The following GPR146 variants were observed in gnomAD, a reference collection of about 807,000 sequenced individuals.
The protein encoded by GPR146 is G-protein coupled receptor 146.
For missense variants in GPR146, 381 were observed against 213.9 expected, an observed-to-expected ratio of 1.78 and a Z score of -4.87; for synonymous variants, 203 against 104.3, an observed-to-expected ratio of 1.95 and a Z score of -5.77.
At position 1,052,572 on chromosome 7, in the gene GPR146, G is replaced by C. The variant is rs923164089; in HGVS notation, c.-24-4920G>C. On this transcript the variant is annotated intron_variant, in intron 1 of 1. Coordinates refer to ENST00000444847, the MANE Select transcript of GPR146 (RefSeq NM_001303473.2). This position sits in a 1 kb window ranked among gnomAD's most constrained non-coding sequence, Gnocchi z 4.2. ...AGGAGCAGCTGCCAGGGACGGCCTGGCCTGGGAGGGTGGCCAGGAACTGGG... is the reference window on the plus strand; with the variant it reads ...AGGAGCAGCTGCCAGGGACGGCCTGCCCTGGGAGGGTGGCCAGGAACTGGG... 1.3e-5 allele frequency among the ~76,000 whole-genome samples: 2 copies of C among 152,158 alleles called. No homozygotes were observed. Among genetic ancestry groups the C allele is most frequent in the Non-Finnish European group, 2.9e-5 (2 of 68,018 alleles).
At chr7:1,049,290 C>A (rs967996533) in intron 1 of GPR146, among the ~76,000 whole-genome samples, 2 of 152,214 alleles carry the variant, frequency 1.3e-5, no homozygotes, top group African/African-American at 2.4e-5. Flanking sequence ...GGGGAGGAGG[C>A]CAAAGATCTG....
chr7:1,057,462 G>T, intron 1 of GPR146, 30 bp from the exon 2 acceptor site: 1 of 700,452 alleles, frequency 1.4e-6, no homozygotes, highest in East Asian at 2.5e-5. Context: ...GACGGGACGC[G>T]AGCTGACCAC....
chr7:1,048,207 A>G (rs1450935810), intron 1 of GPR146, among the ~76,000 whole-genome samples: 1 of 152,216 alleles, frequency 6.6e-6, no homozygotes, highest in Non-Finnish European at 1.5e-5. Context: ...ACAGTGTGAA[A>G]GAGAGCACCC....
At chr7:1,049,289 G>A (rs1782875880) in intron 1 of GPR146, among the ~76,000 whole-genome samples, 1 of 152,246 alleles carries the variant, frequency 6.6e-6, no homozygotes, top group Non-Finnish European at 1.5e-5. Flanking sequence ...TGGGGAGGAG[G>A]CCAAAGATCT....
At chr7:1,050,832 C>T (rs1487777415) in intron 1 of GPR146, among the ~76,000 whole-genome samples, 3 of 152,200 alleles carry the variant, frequency 2.0e-5, no homozygotes, top group African/African-American at 4.8e-5. Flanking sequence ...CATCCACAGG[C>T]GCTCGGCAGG....
chr7:1,047,606 A>G (rs562895077), intron 1 of GPR146, among the ~76,000 whole-genome samples: 50 of 152,360 alleles, frequency 3.3e-4, no homozygotes, highest in African/African-American at 1.2e-3. Context: ...AGTCATTTTG[A>G]AAGCATTTTG....
chr7:1,051,485 G>A (rs950286182), intron 1 of GPR146, among the ~76,000 whole-genome samples: 8 of 152,324 alleles, frequency 5.3e-5, no homozygotes, highest in African/African-American at 1.7e-4. Flanking sequence ...ACACTCTCCC[G>A]ATTCCGCTGG....
chr7:1,050,283 A>G (rs1273828583), intron 1 of GPR146, among the ~76,000 whole-genome samples: 2 of 152,224 alleles, frequency 1.3e-5, no homozygotes, highest in Non-Finnish European at 2.9e-5. Context: ...GGAGCTGCAC[A>G]CACTCAGGTT....
Position 1,058,572 on chromosome 7 carries a change from AC to A in GPR146, c.*58del, listed in dbSNP as rs1463168580. The A allele has an allele frequency of 1.4e-6, 1 of 701,560 alleles. No individual in the cohort carries two copies. Among genetic ancestry groups the A allele is most frequent in the East Asian group, 2.5e-5 (1 of 40,216 alleles). The allele number at this position is 701,560 out of a possible 1,614,324, so 43.5% of individuals were successfully genotyped here. ...TCTGGTGGACGCAGAGCACTTAGTT[AC>A]CCTGGACGCTCCCCACATCCTTCCA... On this transcript the variant is annotated 3_prime_UTR_variant, in exon 2 of 2. Transcript: ENST00000444847.
intron 1 of GPR146, chr7:1,045,607 TGA>T (rs1782504262): frequency 3.3e-5 from 5 of 152,202 alleles, no homozygotes; most frequent in Admixed American, 3.3e-4. Context: ...GGGGCACCGT[TGA>T]GAGTGAACGG....
chr7:1,051,301 C>G (rs988995434), intron 1 of GPR146, among the ~76,000 whole-genome samples: 1 of 152,252 alleles, frequency 6.6e-6, no homozygotes, highest in African/African-American at 2.4e-5. Context: ...CTAGGGTGCA[C>G]CTGGTGTCCA....
chr7:1,050,339 G>A (rs1188405248), intron 1 of GPR146, among the ~76,000 whole-genome samples: 1 of 152,246 alleles, frequency 6.6e-6, no homozygotes, highest in African/African-American at 2.4e-5. Context: ...CTCAGGCTCA[G>A]AGCAGAGCAG....
At chr7:1,047,672 G>A (rs1225840307) in intron 1 of GPR146, among the ~76,000 whole-genome samples, 1 of 152,266 alleles carries the variant, frequency 6.6e-6, no homozygotes, top group Non-Finnish European at 1.5e-5. Context: ...GGCAGGTTCG[G>A]CCAGGAGCTG....
intron 1 of GPR146, among the ~76,000 whole-genome samples, chr7:1,053,795 C>A (rs995726089): frequency 6.6e-5 from 10 of 152,166 alleles, no homozygotes; most frequent in African/African-American, 2.2e-4. Flanking sequence ...CCACTGCACT[C>A]CAGCCTGGGC....
At chr7:1,053,673 C>T (rs1783396560) in intron 1 of GPR146, among the ~76,000 whole-genome samples, 1 of 152,134 alleles carries the variant, frequency 6.6e-6, no homozygotes, top group Non-Finnish European at 1.5e-5. Context: ...ACTGAAAATA[C>T]AAAATTAGCT....
chr7:1,057,511 C>T lies in GPR146; in HGVS notation c.-5C>T. 1 of 763,352 alleles carries T rather than the reference C, an allele frequency of 1.3e-6. No individual in the cohort carries two copies. Among genetic ancestry groups the T allele is most frequent in the Non-Finnish European group, 2.4e-6 (1 of 411,124 alleles). The allele number at this position is 763,352 out of a possible 1,614,324, so 47.3% of individuals were successfully genotyped here. A position where few individuals can be genotyped will look rare whatever the true frequency, so the allele number is the denominator to read the frequency against. ...CCGCAGGGTCGCGGAGCCTCGCCGG[C>T]CGCCATGTGGAGCTGCAGCTGGTTC... On this transcript the variant is annotated 5_prime_UTR_variant, in exon 2 of 2. Transcript: ENST00000444847.
chr7:1,051,081 A>T (rs1563048889), intron 1 of GPR146, among the ~76,000 whole-genome samples: 1 of 152,166 alleles, frequency 6.6e-6, no homozygotes, highest in Non-Finnish European at 1.5e-5. Context: ...CCTGCGTCGC[A>T]GAGGGCACCA....
rs1783278382 is a variant in GPR146 at position 1,052,938 on chromosome 7, T to C, written c.-24-4554T>C. Reference sequence around the variant, plus strand: ...TTCGTGTAGGAAAAGAGCCCACTTCTGAAGAGGCTCATCTGGGCTTTCTCT... The same window carrying C: ...TTCGTGTAGGAAAAGAGCCCACTTCCGAAGAGGCTCATCTGGGCTTTCTCT... On this transcript the variant is annotated intron_variant, in intron 1 of 1. Coordinates refer to ENST00000444847, the MANE Select transcript of GPR146 (RefSeq NM_001303473.2). The surrounding 1 kb of genome is among the most constrained non-coding windows in gnomAD (Gnocchi z 4.2). Among the ~76,000 whole-genome samples, 1 of 152,152 alleles carries C rather than the reference T, an allele frequency of 6.6e-6. No individual in the cohort carries two copies. The highest frequency in any genetic ancestry group is 2.1e-4 in the South Asian group (1 of 4,824).
Position 1,057,911 on chromosome 7 carries a change from A to G in GPR146, c.396A>G (p.Ala132=), listed in dbSNP as rs1478123192. 2.6e-6 allele frequency: 2 copies of G among 775,504 alleles called. No homozygotes were observed. The highest frequency in any genetic ancestry group is 2.4e-6 in the Non-Finnish European group (1 of 418,058). 48.0% of individuals were successfully genotyped at this position (775,504 alleles called of 1,614,324 possible). ...LLSLDHYIER[A]LPRTYMASVY... Reference sequence around the variant, plus strand: ...GCCTCGACCACTACATCGAGCGTGCACTGCCGCGGACCTACATGGCCAGCG... The same window carrying G: ...GCCTCGACCACTACATCGAGCGTGCGCTGCCGCGGACCTACATGGCCAGCG... The change falls in exon 2 of 2, where the codon GCA becomes GCG. Residue 132 remains alanine (A), a synonymous_variant. Transcript: ENST00000444847.
Sources: gnomAD v4.1 joint callset for allele counts (sites outside exome capture counted in the v4.1 genomes callset) on GRCh38, gnomAD v4.1.1 for gene constraint, Gnocchi (gnomAD v3.1) non-coding constraint, MANE v1.5 for transcripts, NCBI Gene and HGNC (gene_info 2026-07-23, HGNC 2026-07-21) for gene names.